The following ITGA9 variants were observed in gnomAD, a reference collection of about 807,000 sequenced individuals.
ITGA9 encodes integrin alpha-9.
In ITGA9, 56 loss-of-function variants were observed where a neutral mutation model predicts 127.8. The observed-to-expected ratio is 0.44, with a 90% CI of 0.35 to 0.55. The LOEUF is 0.55. ITGA9 is among the 20% of genes least tolerant of loss of function. The pLI is 0.00. For missense variants in ITGA9, 1,196 were observed against 1,347.1 expected (o/e 0.89, Z 1.76); for synonymous variants, 508 against 514.5 (o/e 0.99, Z 0.17).
At chr3:37,606,087 G>A (rs542746756) in intron 15 of ITGA9, among the ~76,000 whole-genome samples, 1 of 152,314 alleles carries the variant, frequency 6.6e-6, no homozygotes, top group South Asian at 2.1e-4. Flanking sequence ...CTTGCACCCT[G>A]TACCACAACA....
intron 18 of ITGA9, among the ~76,000 whole-genome samples, chr3:37,728,281 A>G (rs1436099457): frequency 1.3e-5 from 2 of 152,344 alleles, no homozygotes; most frequent in East Asian, 3.9e-4. Context: ...GGCAACTCCC[A>G]ACCAGAGCGC....
intron 15 of ITGA9, among the ~76,000 whole-genome samples, chr3:37,623,668 T>C (rs1700147536): frequency 8.2e-6 from 1 of 121,506 alleles, no homozygotes; most frequent in Admixed American, 9.5e-5. Context: ...GGGGTGTGTG[T>C]GTGTATGTGT....
intron 5 of ITGA9, among the ~76,000 whole-genome samples, chr3:37,502,787 G>C (rs973970877): frequency 6.6e-6 from 1 of 152,176 alleles, no homozygotes. Context: ...TCCAGGCAGG[G>C]TGCGGTATTG....
At chr3:37,624,395 C>G (rs990979380) in intron 15 of ITGA9, among the ~76,000 whole-genome samples, 6 of 151,646 alleles carry the variant, frequency 4.0e-5, no homozygotes, top group Non-Finnish European at 7.4e-5. Flanking sequence ...CAGATGAGGT[C>G]CCCTCTTCTC....
intron 13 of ITGA9, among the ~76,000 whole-genome samples, chr3:37,528,996 G>A (rs1398254058): frequency 7.2e-6 from 1 of 138,966 alleles, no homozygotes; most frequent in East Asian, 2.3e-4. Flanking sequence ...TTTCACATTG[G>A]TGGGAATATA....
rs997343455 is a variant in ITGA9 at position 37,614,388 on chromosome 3, T to A, written c.1690-14799T>A. ...TGTAGCCTTGTAGTATAGTTTGAAGTCAGGTAGCGTGATGCCTCCGGTTTT... is the reference window on the plus strand; with the variant it reads ...TGTAGCCTTGTAGTATAGTTTGAAGACAGGTAGCGTGATGCCTCCGGTTTT... On this transcript the variant is annotated intron_variant, in intron 15 of 27. Coordinates refer to ENST00000264741, the MANE Select transcript of ITGA9 (RefSeq NM_002207.3). Among the ~76,000 whole-genome samples the A allele has an allele frequency of 7.8e-4, 119 of 152,326 alleles. 1 individual carries two copies. Among genetic ancestry groups the A allele is most frequent in the African/African-American group, 2.7e-3 (114 of 41,558 alleles).
intron 16 of ITGA9, among the ~76,000 whole-genome samples, chr3:37,637,371 A>G (rs1485900182): frequency 6.6e-6 from 1 of 152,048 alleles, no homozygotes; most frequent in African/African-American, 2.4e-5. Context: ...TTGGATTCCT[A>G]GGTATTTTAT....
At chr3:37,609,640 A>G (rs1007152197) in intron 15 of ITGA9, among the ~76,000 whole-genome samples, 5 of 152,160 alleles carry the variant, frequency 3.3e-5, no homozygotes, top group Non-Finnish European at 7.3e-5. Context: ...AACAACAGCA[A>G]TTTTATCATG....
chr3:37,731,319 G>T (rs756430481), intron 18 of ITGA9, among the ~76,000 whole-genome samples: 1 of 152,088 alleles, frequency 6.6e-6, no homozygotes. Context: ...CCGGGTTCAC[G>T]CCATTCTCCT....
At position 37,706,448 on chromosome 3, in the gene ITGA9, G is replaced by A. The variant is rs190522239; in HGVS notation, c.2067+22433G>A. ...GGTGCAGGTGGTTTATTTGAGTAGC[G>A]CCCCAGAAAGTAAGAAAGAAGGAAG... is the stretch of plus-strand genomic sequence containing the variant. On this transcript the variant is annotated intron_variant, in intron 18 of 27. Coordinates refer to ENST00000264741, the MANE Select transcript of ITGA9 (RefSeq NM_002207.3). 1.8e-3 allele frequency among the ~76,000 whole-genome samples: 281 copies of A among 152,240 alleles called. 7 individuals carry two copies. The highest frequency in any genetic ancestry group is 0.017 in the Middle Eastern group (5 of 294).
At chr3:37,738,274 G>C (rs1332093246) in intron 20 of ITGA9, among the ~76,000 whole-genome samples, 2 of 152,224 alleles carry the variant, frequency 1.3e-5, no homozygotes, top group African/African-American at 4.8e-5. Context: ...CAGTGGGGAG[G>C]TAGCATTTAA....
chr3:37,638,116 C>G (rs1279619546), intron 16 of ITGA9, among the ~76,000 whole-genome samples: 1 of 151,998 alleles, frequency 6.6e-6, no homozygotes, highest in Non-Finnish European at 1.5e-5. Context: ...GAGATAAATT[C>G]CTGTCTATCA....
intron 11 of ITGA9, among the ~76,000 whole-genome samples, chr3:37,521,773 C>G (rs1699046272): frequency 6.6e-6 from 1 of 152,218 alleles, no homozygotes; most frequent in Non-Finnish European, 1.5e-5. Context: ...CCAAGAGGGT[C>G]TGCTTCAAAA....
intron 18 of ITGA9, among the ~76,000 whole-genome samples, chr3:37,724,091 C>G (rs981593468): frequency 9.9e-5 from 15 of 152,282 alleles, no homozygotes; most frequent in Non-Finnish European, 2.2e-4. Flanking sequence ...GCCTGTGTAG[C>G]TGGAAGCCTC....
intron 15 of ITGA9, among the ~76,000 whole-genome samples, chr3:37,626,508 TAAATA>T (rs1700177102): frequency 1.3e-5 from 2 of 152,040 alleles, no homozygotes; most frequent in South Asian, 4.2e-4. Context: ...AAATAAAAAA[TAAATA>T]AAAGAAATAA....
intron 27 of ITGA9, 57 bp downstream of exon 27, chr3:37,803,999 C>T (rs892361259): frequency 6.2e-7 from 1 of 1,613,048 alleles, no homozygotes; most frequent in Non-Finnish European, 8.5e-7. Flanking sequence ...GCCCAGCTCT[C>T]CTGCCTTTCC....
At chr3:37,536,156 C>T (rs1231116821) in intron 14 of ITGA9, among the ~76,000 whole-genome samples, 1 of 152,222 alleles carries the variant, frequency 6.6e-6, no homozygotes, top group African/African-American at 2.4e-5. Flanking sequence ...CATCCAAGCT[C>T]AGCAGAGGGT....
At chr3:37,477,598 C>T (rs73053290) in intron 3 of ITGA9, among the ~76,000 whole-genome samples, 16,497 of 152,178 alleles carry the variant, frequency 0.11, 1,058 homozygotes, top group Middle Eastern at 0.17. Flanking sequence ...AGCCCCTTCC[C>T]TTCTCACTCT....
At chr3:37,795,750 A>G (rs1423694851) in intron 26 of ITGA9, among the ~76,000 whole-genome samples, 1 of 151,996 alleles carries the variant, frequency 6.6e-6, no homozygotes, top group Non-Finnish European at 1.5e-5. Flanking sequence ...AAACCAGCAG[A>G]CTTCTCCTCC....
Sources: gnomAD v4.1 joint callset for allele counts (sites outside exome capture counted in the v4.1 genomes callset) on GRCh38, gnomAD v4.1.1 for gene constraint, MANE v1.5 for transcripts, NCBI Gene and HGNC (gene_info 2026-07-23, HGNC 2026-07-21) for gene names.